The following G6PD variants were observed in gnomAD, a reference collection of about 807,000 sequenced individuals.
G6PD encodes glucose-6-phosphate dehydrogenase.
In G6PD, 2 loss-of-function variants were observed where a neutral mutation model predicts 38.2. That is an observed-to-expected ratio of 0.05 (90% CI 0.02 to 0.16). G6PD has a LOEUF of 0.16. Ranked by LOEUF, G6PD falls within the 10% of genes least tolerant of loss-of-function variation. The pLI is 1.00. For synonymous variants in G6PD, 188 were observed against 196.0 expected (o/e 0.96, Z 0.34); for missense variants, 310 against 471.6 (o/e 0.66, Z 3.17).
chrX:154,539,800 G>A (rs781952094), intron 2 of G6PD, among the ~76,000 whole-genome samples: 125 of 109,957 alleles, frequency 1.1e-3, no homozygotes, highest in African/African-American at 3.9e-3. Context: ...TTGGCTCACT[G>A]AAATCTCCAC....
chrX:154,546,724 C>G, intron 1 of G6PD, 65 bp downstream of exon 1: 10 of 935,357 alleles, frequency 1.1e-5, no homozygotes, highest in African/African-American at 1.9e-5. Flanking sequence ...TGTATTTTAC[C>G]GCCGCGCGGC....
upstream of G6PD, chrX:154,547,228 T>C (rs2070764637): frequency 1.8e-6 from 1 of 567,874 alleles, no homozygotes; most frequent in African/African-American, 2.5e-5. Flanking sequence ...GCCGGCAGCG[T>C]GGCCACGCCT....
At chrX:154,543,469 CTTGG>C (rs2070585128) in intron 2 of G6PD, among the ~76,000 whole-genome samples, 1 of 112,196 alleles carries the variant, frequency 8.9e-6, no homozygotes, top group Non-Finnish European at 1.9e-5. Flanking sequence ...ACACAGCAAG[CTTGG>C]ATGCTCTCAA....
chrX:154,535,963 G>C lies in G6PD; in HGVS notation c.241C>G (p.Arg81Gly). The C allele has an allele frequency of 8.3e-7, 1 of 1,211,073 alleles. No individual in the cohort carries two copies. Among genetic ancestry groups the C allele is most frequent in the Non-Finnish European group, 1.1e-6 (1 of 894,709 alleles). The change falls in exon 4 of 13, where the codon CGC becomes GGC. Residue 81 changes from arginine to glycine, a missense_variant. Physicochemically the swap from Arg to Gly is moderately radical, Grantham distance 125 (BLOSUM62 -2). Around this residue, in one of 4 missense-constraint regions of G6PD, gnomAD observed 96 missense variants for 93.3 expected, o/e 1.03. Coordinates refer to ENST00000393562, the MANE Select transcript of G6PD (RefSeq NM_001360016.2). ...TTGAAGAAGGGCTCACTCTGTTTGCGGATGTCAGCCACTGTGAGGCGGGAA... is the reference window on the plus strand; with the variant it reads ...TTGAAGAAGGGCTCACTCTGTTTGCCGATGTCAGCCACTGTGAGGCGGGAA... ...ARSRLTVADI[R>G]KQSEPFFKAT...
upstream of G6PD, chrX:154,547,567 T>G (rs1222622261): frequency 5.3e-6 from 4 of 753,625 alleles, no homozygotes; most frequent in Non-Finnish European, 6.3e-6. Flanking sequence ...GCTTCCCGAG[T>G]TCTCGGGGGC....
rs183667874 is a variant in G6PD, at chrX:154,534,975, C to T, written c.485+193G>A. 2,436 of 484,656 alleles carry T rather than the reference C, an allele frequency of 5.0e-3. 10 individuals carry two copies. Among genetic ancestry groups the T allele is most frequent in the Non-Finnish European group, 6.2e-3 (1,741 of 280,310 alleles). 39.9% of individuals were successfully genotyped at this position (484,656 alleles called of 1,213,427 possible). On this transcript the variant is annotated intron_variant, in intron 5 of 12. Coordinates refer to ENST00000393562, the MANE Select transcript of G6PD (RefSeq NM_001360016.2). Reference sequence around the variant, plus strand: ...CAAGGCTGCCACCCTGCGGCCTGGCCGGGCCTTTGGGGAAGCAGAGCGGAA... The same window carrying T: ...CAAGGCTGCCACCCTGCGGCCTGGCTGGGCCTTTGGGGAAGCAGAGCGGAA...
At chrX:154,534,986 G>A in intron 5 of G6PD, 182 bp downstream of exon 5, 1 of 501,722 alleles carries the variant, frequency 2.0e-6, no homozygotes, top group Non-Finnish European at 3.4e-6. Flanking sequence ...GGGCCTTTGG[G>A]GAAGCAGAGC....
At chrX:154,545,834 TC>T (rs2070691215) in intron 2 of G6PD, 1 of 380,143 alleles carries the variant, frequency 2.6e-6, no homozygotes, top group Non-Finnish European at 4.3e-6. Flanking sequence ...AAACTCCGTC[TC>T]CAAAAAAAAA....
At chrX:154,534,200 T>A in intron 6 of G6PD, 40 bp from the exon 7 acceptor site, 1 of 1,210,074 alleles carries the variant, frequency 8.3e-7, no homozygotes, top group Non-Finnish European at 1.1e-6. Flanking sequence ...ACCTTGGGCC[T>A]CTGTGGTGCA....
chrX:154,546,988 G>A (rs1293870244), upstream of G6PD: 2 of 256,328 alleles, frequency 7.8e-6, no homozygotes, highest in Non-Finnish European at 1.3e-5. Context: ...GAGGGCAGGT[G>A]CGCGCGCATC....
At chrX:154,547,528 G>A (rs2070778844), upstream of G6PD, 5 of 754,957 alleles carry the variant, frequency 6.6e-6, no homozygotes, top group East Asian at 1.5e-4. Context: ...GCGGGATGCG[G>A]CCCTACCGCG....
At chrX:154,542,144 T>G in intron 2 of G6PD, 1 of 482,419 alleles carries the variant, frequency 2.1e-6, no homozygotes, top group Non-Finnish European at 3.5e-6. Context: ...AGCAAGAATC[T>G]TATCAGACCA....
chrX:154,534,027 G>A lies in G6PD; in HGVS notation c.770+8C>T. ...GCCAGCCTCCCAGGAGAGAGGAAGA[G>A]CTCTCACCGGATGATCCCAAATTCA... On this transcript the variant is annotated splice_region_variant and intron_variant, in intron 7 of 12. Transcript: ENST00000393562. 1 of 1,211,608 alleles carries A rather than the reference G, an allele frequency of 8.3e-7. No homozygotes were observed. The highest frequency in any genetic ancestry group is 1.1e-6 in the Non-Finnish European group (1 of 895,360).
At chrX:154,546,971 GC>G, upstream of G6PD, 1 of 309,027 alleles carries the variant, frequency 3.2e-6, no homozygotes, top group Non-Finnish European at 5.0e-6. Context: ...TGCGGGCGGG[GC>G]GGGGCGAGGG....
chrX:154,537,209 G>A (rs1221613891), intron 2 of G6PD, among the ~76,000 whole-genome samples: 3 of 112,109 alleles, frequency 2.7e-5, no homozygotes, highest in Non-Finnish European at 5.6e-5. Context: ...GAAGGCTGAG[G>A]TAGGAGAATC....
Position 154,532,030 on chromosome X carries a change from G to A in G6PD, c.1518C>T (p.Thr506=). ...GCTTGTGGGGGTTCACCCACTTGTA[G>A]GTGCCCTCATACTGGAAACCCACTC... ...MKRVGFQYEG[T]YKWVNPHKL The change falls in exon 13 of 13, where the codon ACC becomes ACT. Residue 506 remains threonine (T), a synonymous_variant. Transcript: ENST00000393562. The A allele has an allele frequency of 8.3e-7, 1 of 1,210,736 alleles. No homozygotes were observed. The highest frequency in any genetic ancestry group is 1.1e-6 in the Non-Finnish European group (1 of 895,257).
intron 2 of G6PD, among the ~76,000 whole-genome samples, chrX:154,544,755 G>A (rs1025191953): frequency 2.7e-5 from 3 of 111,736 alleles, no homozygotes; most frequent in South Asian, 3.7e-4. Context: ...CTTCTCCCTC[G>A]GCTGCCTCCT....
chrX:154,533,828 G>A (rs1189480997), intron 7 of G6PD, 159 bp from the exon 8 acceptor site: 7 of 1,182,981 alleles, frequency 5.9e-6, no homozygotes, highest in African/African-American at 3.5e-5. Flanking sequence ...GGAAGGACAT[G>A]GTGATGCTAT....
At chrX:154,541,005 G>C (rs1310878238) in intron 2 of G6PD, among the ~76,000 whole-genome samples, 2 of 111,779 alleles carry the variant, frequency 1.8e-5, no homozygotes, top group Admixed American at 1.9e-4. Context: ...GCCATCAGTG[G>C]GGCTGGGGAG....
Sources: gnomAD v4.1 joint callset for allele counts (sites outside exome capture counted in the v4.1 genomes callset) on GRCh38, gnomAD v4.1.1 for gene constraint, gnomAD v4.1.1 regional missense constraint, MANE v1.5 for transcripts, NCBI Gene and HGNC (gene_info 2026-07-23, HGNC 2026-07-21) for gene names.